KIF27: variants seen among roughly 807,000 people sequenced by gnomAD.
KIF27 encodes kinesin family member 27.
In KIF27, 84 loss-of-function variants were observed where a neutral mutation model predicts 141.8. The observed-to-expected ratio is 0.59, with a 90% confidence interval of 0.50 to 0.71. The LOEUF is 0.71. Among genes scored for constraint, KIF27 ranks in the 30% least tolerant of loss-of-function variants. KIF27 has a pLI of 0.00. For synonymous variants in KIF27, 471 were observed against 569.5 expected, an observed-to-expected ratio of 0.83 and a Z score of 2.46; for missense variants, 1,306 against 1,628.4, an observed-to-expected ratio of 0.80 and a Z score of 3.41.
At chr9:83,858,125 G>C (rs1391580621) in intron 14 of KIF27, among the ~76,000 whole-genome samples, 1 of 152,064 alleles carries the variant, frequency 6.6e-6, no homozygotes, top group Non-Finnish European at 1.5e-5. Context: ...TGGGAGGACA[G>C]CCTGGCTCTC....
intron 11 of KIF27, among the ~76,000 whole-genome samples, chr9:83,874,757 G>A (rs2132107521): frequency 6.6e-6 from 1 of 151,726 alleles, no homozygotes; most frequent in Middle Eastern, 3.4e-3. Context: ...AATATAGTAA[G>A]ACCCTATCTC....
At chr9:83,845,576 C>T (rs763461386) in intron 16 of KIF27, among the ~76,000 whole-genome samples, 2 of 152,174 alleles carry the variant, frequency 1.3e-5, no homozygotes, top group African/African-American at 2.4e-5. Flanking sequence ...TGGTTCTGCA[C>T]GATATGCAGG....
chr9:83,913,371 C>A (rs1301634676), intron 2 of KIF27, among the ~76,000 whole-genome samples: 1 of 152,050 alleles, frequency 6.6e-6, no homozygotes, highest in Non-Finnish European at 1.5e-5. Flanking sequence ...AAAAGCTGAC[C>A]CAGAATTGGT....
At chr9:83,914,230 C>G (rs770737552) in intron 2 of KIF27, among the ~76,000 whole-genome samples, 27 of 148,852 alleles carry the variant, frequency 1.8e-4, no homozygotes, top group Non-Finnish European at 4.0e-4. Flanking sequence ...AAAAACCCTA[C>G]AATCCTAAAG....
chr9:83,916,597 G>A (rs961284521), intron 1 of KIF27, among the ~76,000 whole-genome samples: 1 of 151,698 alleles, frequency 6.6e-6, no homozygotes, highest in African/African-American at 2.4e-5. Flanking sequence ...TTAAATTGAT[G>A]GCTGTAGTTT....
intron 14 of KIF27, among the ~76,000 whole-genome samples, chr9:83,854,816 T>C (rs1402778054): frequency 6.6e-6 from 1 of 152,216 alleles, no homozygotes. Flanking sequence ...CCATACCTAT[T>C]GTGGAGGCCA....
intron 17 of KIF27, among the ~76,000 whole-genome samples, chr9:83,839,098 TACA>T (rs746469364): frequency 0.01 from 1,558 of 152,080 alleles, 20 homozygotes; most frequent in Non-Finnish European, 0.018. Flanking sequence ...AGTTTGAGGC[TACA>T]GTGAGCCATG....
intron 10 of KIF27, among the ~76,000 whole-genome samples, chr9:83,880,773 A>C (rs1252096224): frequency 1.3e-5 from 2 of 152,256 alleles, no homozygotes; most frequent in Admixed American, 1.3e-4. Context: ...TTCATTAATA[A>C]GTATTTTAAT....
rs192546948 is a variant in KIF27 at position 83,903,265 on chromosome 9, G to C, written c.1253C>G (p.Ala418Gly). The change falls in exon 4 of 18, where the codon GCC (alanine) becomes GGC (glycine). Residue 418 changes from alanine (A) to glycine (G), a missense_variant. Coordinates refer to ENST00000297814, the MANE Select transcript of KIF27 (RefSeq NM_017576.4). Reference protein sequence around the residue: ...CLGYQCCVEEAFTFLVDLKDT... With the variant: ...CLGYQCCVEEGFTFLVDLKDT... ...TTTTAGGTCAACCAGGAAGGTAAAG[G>C]CTTCTTCTACACAACACTGGTAACC... 123 of 1,614,120 alleles carry C rather than the reference G, an allele frequency of 7.6e-5. 1 individual carries two copies. The East Asian group carries it at 2.1e-3, about 28-fold the overall frequency.
At position 83,867,797 on chromosome 9, in the gene KIF27, C is replaced by G. The variant is rs772944172; in HGVS notation, c.2821G>C (p.Glu941Gln). ...EVEKVLNQRQ[E>Q]LEELEADLKK... ...AAGTCTGCTTCCAGCTCCTCTAATTCTTGGCGTTGGTTCAGAACTTTCTCT... is the reference window on the plus strand; with the variant it reads ...AAGTCTGCTTCCAGCTCCTCTAATTGTTGGCGTTGGTTCAGAACTTTCTCT... The change falls in exon 13 of 18, where the codon GAA becomes CAA. Residue 941 changes from glutamate to glutamine, a missense_variant. Around this residue, in one of 4 missense-constraint regions of KIF27, gnomAD observed 596 missense variants for 751.6 expected, o/e 0.79. Transcript: ENST00000297814. The G allele has an allele frequency of 3.9e-5, 63 of 1,613,398 alleles. No individual in the cohort carries two copies. Among genetic ancestry groups the G allele is most frequent in the Middle Eastern group, 3.3e-4 (2 of 6,078 alleles).
At chr9:83,865,855 G>C (rs1262556499) in intron 13 of KIF27, among the ~76,000 whole-genome samples, 1 of 152,150 alleles carries the variant, frequency 6.6e-6, no homozygotes, top group African/African-American at 2.4e-5. Flanking sequence ...TGTGGTAACA[G>C]CATATACGTG....
At chr9:83,854,270 G>A (rs1161914114) in intron 14 of KIF27, among the ~76,000 whole-genome samples, 1 of 152,108 alleles carries the variant, frequency 6.6e-6, no homozygotes, top group Non-Finnish European at 1.5e-5. Context: ...ATTTCCACTA[G>A]TGAGATCTAG....
Position 83,834,768 on chromosome 9 carries a change from C to T in KIF27, c.*2233G>A, listed in dbSNP as rs1945616884. On this transcript the variant is annotated 3_prime_UTR_variant, in exon 18 of 18. Coordinates refer to ENST00000297814, the MANE Select transcript of KIF27 (RefSeq NM_017576.4). ...GCTTGCTAAGGGCACTGACCTTTGG[C>T]CATTATATATATCTATATCTATGTA... 6.7e-6 allele frequency among the ~76,000 whole-genome samples: 1 copy of T among 149,878 alleles called. No homozygotes were observed. Among genetic ancestry groups the T allele is most frequent in the South Asian group, 2.1e-4 (1 of 4,776 alleles).
At chr9:83,901,443 T>A (rs189326004) in intron 4 of KIF27, among the ~76,000 whole-genome samples, 1 of 152,334 alleles carries the variant, frequency 6.6e-6, no homozygotes. Context: ...GAGGCTGAAT[T>A]TTCTTTACAA....
chr9:83,854,765 T>C (rs1426424720), intron 14 of KIF27, among the ~76,000 whole-genome samples: 1 of 152,160 alleles, frequency 6.6e-6, no homozygotes, highest in East Asian at 1.9e-4. Context: ...GGTAAAGAAT[T>C]ACTTCAGATT....
chr9:83,879,378 G>C (rs1318421975), intron 11 of KIF27, among the ~76,000 whole-genome samples: 1 of 150,556 alleles, frequency 6.6e-6, no homozygotes, highest in Non-Finnish European at 1.5e-5. Flanking sequence ...TAGGAAATCT[G>C]GGGCATACTG....
At chr9:83,893,030 T>C (rs1371842401) in intron 5 of KIF27, among the ~76,000 whole-genome samples, 1 of 151,818 alleles carries the variant, frequency 6.6e-6, no homozygotes, top group African/African-American at 2.4e-5. Flanking sequence ...AGCCCAAGAG[T>C]TTGAGAGCAG....
intron 1 of KIF27, among the ~76,000 whole-genome samples, chr9:83,919,152 G>A (rs992838459): frequency 2.6e-5 from 4 of 152,098 alleles, no homozygotes; most frequent in African/African-American, 9.7e-5. Context: ...AAAAAAGACA[G>A]ATCATAAGTG....
chr9:83,897,975 T>C (rs1953445731), intron 5 of KIF27, among the ~76,000 whole-genome samples: 1 of 152,126 alleles, frequency 6.6e-6, no homozygotes, highest in African/African-American at 2.4e-5. Flanking sequence ...ACAGTGAGAA[T>C]GCTCACATGG....
Sources: allele counts gnomAD v4.1 joint callset (sites outside exome capture counted in the v4.1 genomes callset), GRCh38; gene constraint gnomAD v4.1.1; regional missense constraint gnomAD v4.1.1; transcripts MANE v1.5; gene names NCBI Gene and HGNC (gene_info 2026-07-23, HGNC 2026-07-21).